Variants in LIMCH1 observed in about 807,000 individuals in gnomAD.
The protein encoded by LIMCH1 is LIM and calponin homology domains-containing protein 1.
A neutral mutation model predicts 176.5 loss-of-function variants in LIMCH1; 113 were observed. The ratio of observed to expected loss-of-function variants is 0.64; its 90% CI spans 0.55 to 0.75. The LOEUF (loss-of-function observed/expected upper bound fraction) is 0.75. Ranked by LOEUF, LIMCH1 falls within the 30% of genes least tolerant of loss-of-function variation. The pLI, the probability that LIMCH1 is intolerant of heterozygous loss-of-function variation, is 0.00. For synonymous variants in LIMCH1, 619 were observed against 645.9 expected (o/e 0.96, Z 0.63); for missense variants, 1,674 against 1,814.9 (o/e 0.92, Z 1.41).
At chr4:41,539,689 T>C (rs1343249392) in intron 1 of LIMCH1, among the ~76,000 whole-genome samples, 3 of 152,244 alleles carry the variant, frequency 2.0e-5, no homozygotes, top group Non-Finnish European at 4.4e-5. Context: ...TAGTCCTAGC[T>C]GGTTCTTGCT....
intron 3 of LIMCH1, among the ~76,000 whole-genome samples, chr4:41,525,841 G>A (rs1469909855): frequency 2.6e-5 from 4 of 152,040 alleles, no homozygotes; most frequent in African/African-American, 4.8e-5. Flanking sequence ...ATGAACATCT[G>A]TTTGTCCCTA....
intron 29 of LIMCH1, among the ~76,000 whole-genome samples, chr4:41,688,376 A>G (rs1722614654): frequency 6.6e-6 from 1 of 152,204 alleles, no homozygotes; most frequent in African/African-American, 2.4e-5. Context: ...GCTGGGCCCC[A>G]TGATATTTTT....
chr4:41,682,137 A>C (rs16853468), intron 25 of LIMCH1, among the ~76,000 whole-genome samples, 196 bp from the exon 26 acceptor site: 10,606 of 152,270 alleles, frequency 0.07, 762 homozygotes, highest in African/African-American at 0.17. Flanking sequence ...TTTTGTGATA[A>C]CTTTCTAAAG....
intron 1 of LIMCH1, among the ~76,000 whole-genome samples, chr4:41,437,940 G>A (rs2062265395): frequency 6.6e-6 from 1 of 152,196 alleles, no homozygotes; most frequent in African/African-American, 2.4e-5. Flanking sequence ...TCTGGACCCT[G>A]CAGTGACCAC....
rs62412481 is a variant in LIMCH1, at chr4:41,565,968, C to T, written c.-241+27618C>T. Among the ~76,000 whole-genome samples, 1,073 of 152,306 alleles carry T rather than the reference C, an allele frequency of 7.0e-3. 10 individuals carry two copies. Among genetic ancestry groups the T allele is most frequent in the Middle Eastern group, 0.017 (5 of 294 alleles). On this transcript the variant is annotated intron_variant, in intron 1 of 31. Coordinates refer to ENST00000503057, the MANE Select transcript of LIMCH1 (RefSeq NM_001330672.2). ...GGAATTTCTTATTTAACCCTGACAACTTATACTGTAGATATTCTTATTCCT... is the reference window on the plus strand; with the variant it reads ...GGAATTTCTTATTTAACCCTGACAATTTATACTGTAGATATTCTTATTCCT...
At chr4:41,679,785 A>G (rs1012844090) in intron 23 of LIMCH1, among the ~76,000 whole-genome samples, 4 of 152,234 alleles carry the variant, frequency 2.6e-5, no homozygotes, top group South Asian at 4.1e-4. Flanking sequence ...TAAGCAAAAC[A>G]TGAGCAGCAG....
At chr4:41,591,693 T>C (rs192315814) in intron 1 of LIMCH1, among the ~76,000 whole-genome samples, 1 of 152,370 alleles carries the variant, frequency 6.6e-6, no homozygotes, top group Non-Finnish European at 1.5e-5. Flanking sequence ...TTTATATGTA[T>C]ATATTGCATT....
chr4:41,419,718 TCCTC>T (rs1280395690), intron 1 of LIMCH1, among the ~76,000 whole-genome samples: 1 of 126,644 alleles, frequency 7.9e-6, no homozygotes, highest in Non-Finnish European at 1.7e-5. Flanking sequence ...CTTCCTTCCT[TCCTC>T]CTTCCTTTCT....
At chr4:41,360,455 G>T (rs2051823842), upstream of LIMCH1, among the ~76,000 whole-genome samples, 1 of 152,092 alleles carries the variant, frequency 6.6e-6, no homozygotes, top group South Asian at 2.1e-4. The surrounding 1 kb of genome is among the most constrained non-coding windows in gnomAD (Gnocchi z 4.5). Context: ...CGTGCGGGGC[G>T]GCCAGCGGAT....
intron 2 of LIMCH1, among the ~76,000 whole-genome samples, chr4:41,600,644 T>C (rs151185673): frequency 4.6e-5 from 7 of 152,302 alleles, no homozygotes; most frequent in Non-Finnish European, 8.8e-5. Flanking sequence ...CTAGGTCTGC[T>C]GCTCACTAGA....
At chr4:41,554,195 T>G (rs970923225) in intron 1 of LIMCH1, among the ~76,000 whole-genome samples, 6 of 152,204 alleles carry the variant, frequency 3.9e-5, no homozygotes. Flanking sequence ...CTTCCACTGT[T>G]TCTCTTTTTG....
At chr4:41,371,594 T>C (rs759767326) in intron 1 of LIMCH1, among the ~76,000 whole-genome samples, 10 of 152,304 alleles carry the variant, frequency 6.6e-5, no homozygotes, top group South Asian at 2.1e-4. Context: ...CGTTAGTTCT[T>C]TGCGTATGGT....
chr4:41,432,995 C>T (rs1436253211), intron 1 of LIMCH1, among the ~76,000 whole-genome samples: 2 of 152,190 alleles, frequency 1.3e-5, no homozygotes, highest in African/African-American at 4.8e-5. Context: ...TCTTTGCATT[C>T]TTGAGGAATT....
At chr4:41,458,005 T>G (rs2154151166) in intron 1 of LIMCH1, among the ~76,000 whole-genome samples, 1 of 152,314 alleles carries the variant, frequency 6.6e-6, no homozygotes, top group Non-Finnish European at 1.5e-5. Flanking sequence ...TTAATAAGTA[T>G]GTTGATAAGA....
rs2093314842 is a variant in LIMCH1, at chr4:41,631,363, A to G, written c.1487A>G (p.Glu496Gly). 6.5e-7 allele frequency: 1 copy of G among 1,536,200 alleles called. No individual in the cohort carries two copies. The change falls in exon 10 of 32, where the codon GAA (glutamate) becomes GGA (glycine). Residue 496 changes from glutamate (E) to glycine (G), a missense_variant. By Grantham distance (98) the Glu-to-Gly change is moderately conservative. This residue lies in a region of LIMCH1 where 655 missense variants were observed against 692.2 expected (regional missense o/e 0.95). Transcript: ENST00000503057. ...SIGKAGPRED[E>G]EEVICHGSKI... is the part of the protein sequence containing the mutation. ...GGCAAGGCTGGGCCTAGAGAGGATG[A>G]AGAAGAAGTCATCTGTCATGGCAGC... is the stretch of plus-strand genomic sequence containing the variant.
At chr4:41,406,088 C>T (rs377282136) in intron 1 of LIMCH1, among the ~76,000 whole-genome samples, 1 of 152,272 alleles carries the variant, frequency 6.6e-6, no homozygotes, top group East Asian at 1.9e-4. Context: ...CGTAATCAAG[C>T]CTCTATCAAT....
At chr4:41,478,069 G>A (rs2068017571) in intron 1 of LIMCH1, among the ~76,000 whole-genome samples, 1 of 152,078 alleles carries the variant, frequency 6.6e-6, no homozygotes, top group Admixed American at 6.6e-5. Context: ...TCTTATAAGA[G>A]GGAAAAACAA....
intron 21 of LIMCH1, among the ~76,000 whole-genome samples, chr4:41,667,843 G>A (rs79801550): frequency 0.19 from 29,148 of 151,808 alleles, 3,282 homozygotes; most frequent in Middle Eastern, 0.35. Context: ...CTCTAGATGT[G>A]GAAATGGGCC....
intron 1 of LIMCH1, among the ~76,000 whole-genome samples, chr4:41,489,389 T>A (rs916910321): frequency 6.6e-6 from 1 of 152,168 alleles, no homozygotes; most frequent in African/African-American, 2.4e-5. Context: ...AAAGCACAAT[T>A]CATTGATTTG....
Sources: gnomAD v4.1 joint callset for allele counts (sites outside exome capture counted in the v4.1 genomes callset) on GRCh38, gnomAD v4.1.1 for gene constraint, gnomAD v4.1.1 regional missense constraint, Gnocchi (gnomAD v3.1) non-coding constraint, MANE v1.5 for transcripts, NCBI Gene and HGNC (gene_info 2026-07-23, HGNC 2026-07-21) for gene names.